The following RIC8B variants were observed in gnomAD, a reference collection of about 807,000 sequenced individuals.
The protein encoded by RIC8B is chaperone Ric-8B.
In RIC8B, 16 loss-of-function variants were observed where a neutral mutation model predicts 57.5. That is an observed-to-expected ratio of 0.28 (90% CI 0.19 to 0.42). The LOEUF is 0.42. Among genes scored for constraint, RIC8B ranks in the 10% least tolerant of loss-of-function variants. The probability of loss-of-function intolerance (pLI) is 1.00; values close to 1 mark genes in which losing one functional copy is unlikely to be tolerated. For synonymous variants in RIC8B, 216 were observed against 250.8 expected, an observed-to-expected ratio of 0.86 and a Z score of 1.31; for missense variants, 481 against 677.0, an observed-to-expected ratio of 0.71 and a Z score of 3.21.
intron 3 of RIC8B, chr12:106,822,186 G>T (rs1036833144): frequency 1.3e-5 from 2 of 151,264 alleles, no homozygotes; most frequent in Non-Finnish European, 2.9e-5. Context: ...ATGAAAAGGT[G>T]TTCAACTTTA....
chr12:106,809,720 A>G (rs1003371222), intron 2 of RIC8B, among the ~76,000 whole-genome samples: 8 of 152,104 alleles, frequency 5.3e-5, no homozygotes, highest in Admixed American at 3.3e-4. Flanking sequence ...TAATAATTCT[A>G]CATATTTATG....
At chr12:106,787,455 C>G (rs2044083069) in intron 2 of RIC8B, among the ~76,000 whole-genome samples, 1 of 152,140 alleles carries the variant, frequency 6.6e-6, no homozygotes, top group African/African-American at 2.4e-5. Flanking sequence ...TAAGCCTACT[C>G]AGAAAATAAA....
At chr12:106,827,954 C>T (rs1255762970) in intron 4 of RIC8B, among the ~76,000 whole-genome samples, 1 of 152,150 alleles carries the variant, frequency 6.6e-6, no homozygotes, top group Non-Finnish European at 1.5e-5. Context: ...CCAAAGATTT[C>T]TCCGAATAAT....
At position 106,774,861 on chromosome 12, in the gene RIC8B, C is replaced by T. The variant is rs1220416285; in HGVS notation, c.84+32C>T. 5 of 1,506,510 alleles carry T rather than the reference C, an allele frequency of 3.3e-6. No homozygotes were observed. In the African/African-American group the frequency reaches 4.2e-5, roughly 13 times the overall value. The allele number at this position is 1,506,510 out of a possible 1,614,324, so 93.3% of individuals were successfully genotyped here. ...AGTCCTGGCCCCGGGCGTGCGGTAT[C>T]GCACCCCCGGGCCGCCCTCCGTGCT... is the stretch of plus-strand genomic sequence containing the variant. On this transcript the variant is annotated intron_variant, in intron 1 of 9. Coordinates refer to ENST00000392837, the MANE Select transcript of RIC8B (RefSeq NM_001330145.2).
chr12:106,803,293 A>G (rs759920571), intron 2 of RIC8B, among the ~76,000 whole-genome samples: 5 of 147,736 alleles, frequency 3.4e-5, no homozygotes, highest in Non-Finnish European at 7.4e-5. Flanking sequence ...GATATGCCTT[A>G]TAAGTTTCCC....
intron 8 of RIC8B, chr12:106,868,338 G>A (rs1950227437): frequency 2.2e-6 from 1 of 456,766 alleles, no homozygotes; most frequent in Non-Finnish European, 4.4e-6. Context: ...TCTCTCAAGA[G>A]GCAAATAAGC....
At chr12:106,775,006 G>C in intron 1 of RIC8B, 177 bp downstream of exon 1, 2 of 589,080 alleles carry the variant, frequency 3.4e-6, no homozygotes, top group Non-Finnish European at 3.1e-6. Context: ...CATGCATCCT[G>C]CATCCCACTA....
chr12:106,864,834 T>A (rs1330604839), intron 8 of RIC8B, among the ~76,000 whole-genome samples: 2 of 152,148 alleles, frequency 1.3e-5, no homozygotes, highest in Non-Finnish European at 2.9e-5. Flanking sequence ...ATTCCCCTCC[T>A]TCTAGCTCCT....
chr12:106,841,188 G>GT (rs1948929559), intron 4 of RIC8B, among the ~76,000 whole-genome samples: 1 of 152,186 alleles, frequency 6.6e-6, no homozygotes. Context: ...AGCAGCAGCA[G>GT]TATTTGGTTT....
intron 7 of RIC8B, among the ~76,000 whole-genome samples, chr12:106,854,467 A>T (rs2136484493): frequency 6.6e-6 from 1 of 152,296 alleles, no homozygotes; most frequent in Non-Finnish European, 1.5e-5. Flanking sequence ...AGTAAGCAGC[A>T]GTTATAATGG....
chr12:106,791,024 T>C (rs1239022667), intron 2 of RIC8B, among the ~76,000 whole-genome samples: 1 of 152,220 alleles, frequency 6.6e-6, no homozygotes, highest in Non-Finnish European at 1.5e-5. Flanking sequence ...GTTAACTGAA[T>C]GAAAAGAACT....
chr12:106,843,785 A>G, intron 5 of RIC8B, 67 bp from the exon 6 acceptor site: 1 of 1,104,556 alleles, frequency 9.1e-7, no homozygotes, highest in Non-Finnish European at 1.3e-6. Context: ...CAGTTACATG[A>G]AGGAAAGTAA....
intron 2 of RIC8B, among the ~76,000 whole-genome samples, chr12:106,796,692 T>C (rs2044498713): frequency 6.6e-6 from 1 of 152,190 alleles, no homozygotes; most frequent in African/African-American, 2.4e-5. Context: ...ATAACATGAA[T>C]TGGATTTCAT....
Position 106,867,833 on chromosome 12 carries a change from G to A in RIC8B, c.1452-2990G>A, listed in dbSNP as rs954359542. On this transcript the variant is annotated intron_variant, in intron 8 of 9. Transcript: ENST00000392837. This position sits in a 1 kb window ranked among gnomAD's most constrained non-coding sequence, Gnocchi z 4.3. ...CTGTGGCTTTTGTTTACATTCTTCCGAATATCCAGGGGAAAAATGTCTTTT... is the reference window on the plus strand; with the variant it reads ...CTGTGGCTTTTGTTTACATTCTTCCAAATATCCAGGGGAAAAATGTCTTTT... 3.3e-5 allele frequency among the ~76,000 whole-genome samples: 5 copies of A among 151,944 alleles called. No homozygotes were observed. The highest frequency in any genetic ancestry group is 6.6e-5 in the Admixed American group (1 of 15,252).
intron 7 of RIC8B, among the ~76,000 whole-genome samples, chr12:106,858,848 C>G (rs1180920416): frequency 4.6e-5 from 7 of 152,098 alleles, no homozygotes; most frequent in Non-Finnish European, 8.8e-5. Context: ...GAAGGACCCT[C>G]TAGTTCAGGT....
chr12:106,815,036 A>G lies in RIC8B; in HGVS notation c.473A>G (p.Asn158Ser), dbSNP rs1270699640. ...AAGTGCAAGGACCGGAAATTTATCA[A>G]TGACATTAAGTGCTTTGACTTGCGC... Reference protein sequence around the residue: ...LRKCKDRKFINDIKCFDLRLL... With the variant: ...LRKCKDRKFISDIKCFDLRLL... Residue 158 changes from asparagine (N) to serine (S), a missense_variant, in exon 3 of 10, where the codon AAT (asparagine) becomes AGT (serine). This residue lies in a region of RIC8B where 421 missense variants were observed against 560.9 expected (regional missense o/e 0.75). Coordinates refer to ENST00000392837, the MANE Select transcript of RIC8B (RefSeq NM_001330145.2). The G allele has an allele frequency of 1.6e-5, 26 of 1,614,120 alleles. No homozygotes were observed. Among genetic ancestry groups the G allele is most frequent in the African/African-American group, 2.7e-5 (2 of 74,940 alleles).
chr12:106,799,416 A>G (rs2044630792), intron 2 of RIC8B, among the ~76,000 whole-genome samples: 2 of 152,256 alleles, frequency 1.3e-5, no homozygotes, highest in South Asian at 4.1e-4. Flanking sequence ...ATCCCTATCT[A>G]TTTAGAGTTA....
intron 2 of RIC8B, among the ~76,000 whole-genome samples, chr12:106,813,355 T>G (rs1207124884): frequency 6.6e-6 from 1 of 152,016 alleles, no homozygotes; most frequent in Non-Finnish European, 1.5e-5. Context: ...CATGCCCAGC[T>G]AATTTTTTGT....
intron 2 of RIC8B, among the ~76,000 whole-genome samples, chr12:106,789,754 C>T (rs2044187900): frequency 6.6e-6 from 1 of 152,168 alleles, no homozygotes; most frequent in Non-Finnish European, 1.5e-5. Flanking sequence ...AACCATATCA[C>T]TCCCCTCGTT....
Sources: gnomAD v4.1 joint callset for allele counts (sites outside exome capture counted in the v4.1 genomes callset) on GRCh38, gnomAD v4.1.1 for gene constraint, gnomAD v4.1.1 regional missense constraint, Gnocchi (gnomAD v3.1) non-coding constraint, MANE v1.5 for transcripts, NCBI Gene and HGNC (gene_info 2026-07-23, HGNC 2026-07-21) for gene names.